WRAP53: variants seen among roughly 807,000 people sequenced by gnomAD.
WRAP53 encodes the protein telomerase Cajal body protein 1.
Under a neutral mutation model 56.6 loss-of-function variants are expected in WRAP53, and 28 were observed. The observed-to-expected ratio is 0.50, with a 90% CI of 0.37 to 0.68. The LOEUF (loss-of-function observed/expected upper bound fraction) is 0.68. Ranked by LOEUF, WRAP53 falls within the 30% of genes least tolerant of loss-of-function variation. WRAP53 has a pLI of 0.00. For synonymous variants in WRAP53, 283 were observed against 283.4 expected, an observed-to-expected ratio of 1.00 and a Z score of 0.01; for missense variants, 671 against 715.5, an observed-to-expected ratio of 0.94 and a Z score of 0.71.
chr17:7,702,671 C>T lies in WRAP53; in HGVS notation c.1165-72C>T. The T allele has an allele frequency of 6.3e-7, 1 of 1,599,546 alleles. No homozygotes were observed. On this transcript the variant is annotated intron_variant, in intron 8 of 10. Transcript: ENST00000396463. The surrounding 1 kb of genome is among the most constrained non-coding windows in gnomAD (Gnocchi z 5.0). ...AAAAAATCCCAAGCTGAAGGAGTGC[C>T]TGGAGACCCCGAGGGAGGCAGGGAC...
rs2074052094 is a variant in WRAP53 at position 7,688,553 on chromosome 17, G to A, written c.-10G>A. The A allele has an allele frequency of 1.5e-6, 2 of 1,360,962 alleles. No homozygotes were observed. Among genetic ancestry groups the A allele is most frequent in the Non-Finnish European group, 2.0e-6 (2 of 984,976 alleles). The allele number at this position is 1,360,962 out of a possible 1,614,324, so 84.3% of individuals were successfully genotyped here. A position where few individuals can be genotyped will look rare whatever the true frequency, so the allele number is the denominator to read the frequency against. ...TTCTGCCTACTCCCAGAAGAGGAGGGAAGCACAGGTGGGTTTCTTTAGCTC... is the reference window on the plus strand; with the variant it reads ...TTCTGCCTACTCCCAGAAGAGGAGGAAAGCACAGGTGGGTTTCTTTAGCTC... On this transcript the variant is annotated 5_prime_UTR_variant, in exon 1 of 11. Transcript: ENST00000396463.
intron 4 of WRAP53, among the ~76,000 whole-genome samples, chr17:7,692,597 GGCAACAGTGTAAGACTCCGTCTCAA>G (rs2074126653): frequency 7.1e-6 from 1 of 141,392 alleles, no homozygotes; most frequent in Non-Finnish European, 1.5e-5. Context: ...CTCCAGTCCA[GGCAACAGTGTAAGACTCCGTCTCAA>G]AAAAAAAAAA....
Position 7,689,259 on chromosome 17 carries a change from T to A in WRAP53, c.467T>A (p.Phe156Tyr). 6.2e-7 allele frequency: 1 copy of A among 1,614,060 alleles called. No individual in the cohort carries two copies. The highest frequency in any genetic ancestry group is 8.5e-7 in the Non-Finnish European group (1 of 1,180,008). ...WNYSFSQLPRFLSGSWSEFST... is the reference protein window; with the variant it reads ...WNYSFSQLPRYLSGSWSEFST... ...TACAGCTTCTCCCAGCTGCCTCGAT[T>A]TCTCAGTGGTTCCTGGTCAGAGTTC... Residue 156 changes from phenylalanine (F) to tyrosine (Y), a missense_variant, in exon 3 of 11, where the codon TTT becomes TAT. Phe to Tyr is a conservative substitution (Grantham distance 22, BLOSUM62 3). Transcript: ENST00000396463.
intron 4 of WRAP53, among the ~76,000 whole-genome samples, chr17:7,694,471 G>A (rs151086863): frequency 0.02 from 3,040 of 151,988 alleles, 40 homozygotes; most frequent in African/African-American, 0.041. Flanking sequence ...TCAAACTCCC[G>A]ACCTCAAGTG....
At chr17:7,689,156 C>T in intron 2 of WRAP53, 68 bp from the exon 3 acceptor site, 2 of 1,613,192 alleles carry the variant, frequency 1.2e-6, no homozygotes, top group South Asian at 1.1e-5. Flanking sequence ...GTCCTGAGAC[C>T]CACTTCTCCA....
At position 7,702,938 on chromosome 17, in the gene WRAP53, G is replaced by C; in HGVS notation, c.1269-55G>C. On this transcript the variant is annotated intron_variant, in intron 9 of 10. Transcript: ENST00000396463. This position sits in a 1 kb window ranked among gnomAD's most constrained non-coding sequence, Gnocchi z 5.0. The stretch of plus-strand genomic sequence containing the variant: ...AGGGTCCCAGTCCCTGGGTGTGAGG[G>C]GTTCCTGCCCCAGGGGTGAGGCCTC... 6.2e-7 allele frequency: 1 copy of C among 1,612,850 alleles called. No homozygotes were observed. Among genetic ancestry groups the C allele is most frequent in the Non-Finnish European group, 8.5e-7 (1 of 1,179,988 alleles).
intron 4 of WRAP53, among the ~76,000 whole-genome samples, chr17:7,696,810 A>C (rs2074192466): frequency 1.4e-5 from 2 of 137,984 alleles, no homozygotes; most frequent in Non-Finnish European, 3.1e-5. Flanking sequence ...CAGGAGGAAC[A>C]GCAGGTTTGA....
At position 7,698,705 on chromosome 17, in the gene WRAP53, T is replaced by C. The variant is rs186164373; in HGVS notation, c.643-2036T>C. 4.8e-4 allele frequency among the ~76,000 whole-genome samples: 73 copies of C among 151,990 alleles called. No individual in the cohort carries two copies. The East Asian group carries it at 0.01, about 21-fold the overall frequency. ...GCCTGGCCAAGATGGTGAAACCCCG[T>C]CTCTACTAAAAATACAAAAAAATTA... is the stretch of plus-strand genomic sequence containing the variant. On this transcript the variant is annotated intron_variant, in intron 4 of 10. Transcript: ENST00000396463.
At position 7,703,123 on chromosome 17, in the gene WRAP53, G is replaced by A. The variant is rs748462203; in HGVS notation, c.1399G>A (p.Val467Met). 1.2e-5 allele frequency: 20 copies of A among 1,613,968 alleles called. No individual in the cohort carries two copies. The highest frequency in any genetic ancestry group is 1.6e-4 in the Middle Eastern group (1 of 6,084). Reference protein sequence around the residue: ...FLPQKDCTNGVSLHPSLPLLA... With the variant: ...FLPQKDCTNGMSLHPSLPLLA... ...GCCCCAGAAGGACTGCACCAATGGC[G>A]TGAGGTCCTCAGTTCAATTCCAGAG... is the stretch of plus-strand genomic sequence containing the variant. The change falls in exon 10 of 11, where the codon GTG becomes ATG. Residue 467 changes from valine to methionine, a missense_variant. Transcript: ENST00000396463.
chr17:7,701,568 A>G lies in WRAP53; in HGVS notation c.822+19A>G. ...CCACCTGGTAGGGACCGCCATACTC[A>G]GCCCCAGCACTCGTACTGGCCCGGC... On this transcript the variant is annotated intron_variant, in intron 6 of 10. Transcript: ENST00000396463. The surrounding 1 kb of genome is among the most constrained non-coding windows in gnomAD (Gnocchi z 4.2). 4.3e-6 allele frequency: 7 copies of G among 1,614,204 alleles called. No homozygotes were observed. The highest frequency in any genetic ancestry group is 5.9e-6 in the Non-Finnish European group (7 of 1,180,040).
intron 4 of WRAP53, among the ~76,000 whole-genome samples, chr17:7,692,295 C>G (rs1299932092): frequency 6.6e-6 from 1 of 151,914 alleles, no homozygotes; most frequent in Non-Finnish European, 1.5e-5. Flanking sequence ...GCCTGGCCAA[C>G]ATGGTAAAAC....
intron 4 of WRAP53, among the ~76,000 whole-genome samples, chr17:7,698,578 T>G (rs1949522359): frequency 6.6e-6 from 1 of 151,888 alleles, no homozygotes; most frequent in African/African-American, 2.4e-5. Context: ...AAAAATAATT[T>G]TAAAGATTAG....
At chr17:7,692,894 C>T (rs1164945270) in intron 4 of WRAP53, among the ~76,000 whole-genome samples, 2 of 151,444 alleles carry the variant, frequency 1.3e-5, no homozygotes, top group South Asian at 2.1e-4. Context: ...GCTGGGACTA[C>T]AGGCGCCCGC....
Position 7,699,514 on chromosome 17 carries a change from AT to A in WRAP53, c.643-1226del, listed in dbSNP as rs1567577649. On this transcript the variant is annotated intron_variant, in intron 4 of 10. Transcript: ENST00000396463. ...TATATATATATATTTATATATATAT[AT>A]ATATATTTATATATATATATATATT... Among the ~76,000 whole-genome samples the A allele has an allele frequency of 7.5e-4, 19 of 25,234 alleles. 1 individual carries two copies. Among genetic ancestry groups the A allele is most frequent in the African/African-American group, 4.3e-3 (19 of 4,368 alleles). 16.6% of individuals were successfully genotyped at this position (25,234 alleles called of 152,430 possible). A position where few individuals can be genotyped will look rare whatever the true frequency, so the allele number is the denominator to read the frequency against.
Position 7,701,476 on chromosome 17 carries a change from G to A in WRAP53, c.749G>A (p.Arg250Gln), listed in dbSNP as rs780547823. The stretch of plus-strand genomic sequence containing the variant: ...TCTCTCAGCGTGGCCAGCAGCAGCC[G>A]GGAGAACCCGATTCATATCTGGGAC... ...PDTSYVASSSRENPIHIWDAF... is the reference protein window; with the variant it reads ...PDTSYVASSSQENPIHIWDAF... The change falls in exon 6 of 11, where the codon CGG (arginine) becomes CAG (glutamine). Residue 250 changes from arginine to glutamine, a missense_variant. By Grantham distance (43) the Arg-to-Gln change is conservative. Coordinates refer to ENST00000396463, the MANE Select transcript of WRAP53 (RefSeq NM_001143992.2). The surrounding 1 kb of genome is among the most constrained non-coding windows in gnomAD (Gnocchi z 4.2). 1.1e-5 allele frequency: 18 copies of A among 1,614,228 alleles called. No individual in the cohort carries two copies. Among genetic ancestry groups the A allele is most frequent in the Non-Finnish European group, 1.4e-5 (17 of 1,180,042 alleles).
In WRAP53 at chr17:7,702,371, TCTC is replaced by T. The variant is rs1365542522; in HGVS notation, c.986_988del (p.Ser329del). ...AAAAAGCAGGGCCAGAGCGGCATCA[TCTC>T]CTGCATAGCCTTCAGCCCAGCCCAG... On this transcript the variant is annotated inframe_deletion, in exon 8 of 11. Transcript: ENST00000396463. The surrounding 1 kb of genome is among the most constrained non-coding windows in gnomAD (Gnocchi z 5.0). The T allele has an allele frequency of 6.2e-7, 1 of 1,613,948 alleles. No individual in the cohort carries two copies. Among genetic ancestry groups the T allele is most frequent in the African/African-American group, 1.3e-5 (1 of 74,886 alleles).
Position 7,688,940 on chromosome 17 carries a change from C to G in WRAP53, c.292C>G (p.Leu98Val). 6.2e-7 allele frequency: 1 copy of G among 1,614,172 alleles called. No homozygotes were observed. The highest frequency in any genetic ancestry group is 1.7e-5 in the Admixed American group (1 of 60,004). The change falls in exon 2 of 11, where the codon CTT becomes GTT. Residue 98 changes from leucine to valine, a missense_variant. This residue lies in a region of WRAP53 where 406 missense variants were observed against 418.5 expected (regional missense o/e 0.97). Transcript: ENST00000396463. ...GAGTCCTCGAATCGAGGAGCAAGAA[C>G]TTTCTGAAAATACAAGCCTTCCTGC... ...ELSPRIEEQE[L>V]SENTSLPAEE...
rs1567580888 is a variant in WRAP53 at position 7,703,080 on chromosome 17, GC to G, written c.1359del (p.Val454CysfsTer2). ...DGPGNDGKPE[P>X]VLSFLPQKDC... ...GGCCTGGCAATGATGGGAAGCCGGA[GC>G]CCGTGTTGAGTTTTCTGCCCCAGAA... On this transcript the variant is annotated frameshift_variant, in exon 10 of 11. Transcript: ENST00000396463. LOFTEE classifies it high-confidence loss of function. The G allele has an allele frequency of 5.0e-6, 8 of 1,614,014 alleles. No homozygotes were observed. Among genetic ancestry groups the G allele is most frequent in the Non-Finnish European group, 5.9e-6 (7 of 1,180,038 alleles).
Position 7,689,299 on chromosome 17 carries a change from G to C in WRAP53, c.507G>C (p.Glu169Asp), listed in dbSNP as rs1567571420. The change falls in exon 3 of 11, where the codon GAG (glutamate) becomes GAC (aspartate). Residue 169 changes from glutamate to aspartate, a missense_variant. Glu to Asp is a conservative substitution (Grantham distance 45). This residue lies in a region of WRAP53 where 406 missense variants were observed against 418.5 expected (regional missense o/e 0.97). Coordinates refer to ENST00000396463, the MANE Select transcript of WRAP53 (RefSeq NM_001143992.2). The part of the protein sequence containing the change: ...GSWSEFSTQP[E>D]NFLKGCKWAP... ...GGTCAGAGTTCAGCACCCAACCTGA[G>C]AACTTCTTGAAAGGCTGTAAGTGGT... The C allele has an allele frequency of 6.2e-7, 1 of 1,614,048 alleles. No homozygotes were observed. Among genetic ancestry groups the C allele is most frequent in the Non-Finnish European group, 8.5e-7 (1 of 1,180,022 alleles).
Sources: allele counts gnomAD v4.1 joint callset (sites outside exome capture counted in the v4.1 genomes callset), GRCh38; gene constraint gnomAD v4.1.1; regional missense constraint gnomAD v4.1.1; non-coding constraint Gnocchi (gnomAD v3.1); transcripts MANE v1.5; gene names NCBI Gene and HGNC (gene_info 2026-07-23, HGNC 2026-07-21).